The following ANAPC5 variants were observed in gnomAD, a reference collection of about 807,000 sequenced individuals.
The protein encoded by ANAPC5 is anaphase-promoting complex subunit 5.
ANAPC5 carries 60 observed loss-of-function variants against 91.3 expected under a neutral mutation model. That is an observed-to-expected ratio of 0.66 (90% CI 0.53 to 0.81). The LOEUF (loss-of-function observed/expected upper bound fraction) is 0.81, where lower values mean the gene tolerates loss of function less well. ANAPC5 is among the 40% of genes least tolerant of loss of function. The probability of loss-of-function intolerance (pLI) is 0.00; values close to 1 mark genes in which losing one functional copy is unlikely to be tolerated. For synonymous variants in ANAPC5, 340 were observed against 364.1 expected, an observed-to-expected ratio of 0.93 and a Z score of 0.75; for missense variants, 690 against 931.5, an observed-to-expected ratio of 0.74 and a Z score of 3.37.
At chr12:121,316,694 C>G (rs1195429779) in intron 15 of ANAPC5, among the ~76,000 whole-genome samples, 1 of 137,112 alleles carries the variant, frequency 7.3e-6, no homozygotes, top group African/African-American at 2.9e-5. Context: ...GATTGCACCA[C>G]TGCACTCCAG....
intron 4 of ANAPC5, among the ~76,000 whole-genome samples, chr12:121,343,403 C>T (rs1903534978): frequency 6.6e-6 from 1 of 152,104 alleles, no homozygotes; most frequent in Non-Finnish European, 1.5e-5. Context: ...TTCTGACAAC[C>T]CTCTGGGGAA....
In ANAPC5 at chr12:121,342,158, A is replaced by G. The variant is rs1903484890; in HGVS notation, c.591-89T>C. The G allele has an allele frequency of 1.0e-6, 1 of 974,026 alleles. No individual in the cohort carries two copies. Among genetic ancestry groups the G allele is most frequent in the Non-Finnish European group, 1.5e-6 (1 of 662,698 alleles). 60.3% of individuals were successfully genotyped at this position (974,026 alleles called of 1,614,324 possible). On this transcript the variant is annotated intron_variant, in intron 4 of 16. Transcript: ENST00000261819. The surrounding 1 kb of genome is among the most constrained non-coding windows in gnomAD (Gnocchi z 4.1). ...TAAAATCAGATGGATTCTTGTATCG[A>G]AAGAGTTCAAAAAATTTAACTCTCT... is the stretch of plus-strand genomic sequence containing the variant.
At chr12:121,341,797 A>G (rs1419020621) in intron 5 of ANAPC5, among the ~76,000 whole-genome samples, 3 of 152,186 alleles carry the variant, frequency 2.0e-5, no homozygotes, top group African/African-American at 7.2e-5. Context: ...ACTTTAATAG[A>G]AAAATAAAAT....
intron 6 of ANAPC5, among the ~76,000 whole-genome samples, chr12:121,336,903 C>A (rs561354299): frequency 6.6e-6 from 1 of 152,254 alleles, no homozygotes; most frequent in African/African-American, 2.4e-5. Flanking sequence ...GGCTGATTCT[C>A]ATTTGCACAG....
chr12:121,317,732 C>T (rs1857510021), intron 15 of ANAPC5, among the ~76,000 whole-genome samples: 1 of 152,230 alleles, frequency 6.6e-6, no homozygotes, highest in South Asian at 2.1e-4. Context: ...AGAACCTCCA[C>T]TTTAATTAAT....
chr12:121,325,774 C>T (rs1046883731), intron 11 of ANAPC5, among the ~76,000 whole-genome samples: 4 of 151,296 alleles, frequency 2.6e-5, no homozygotes, highest in Admixed American at 6.6e-5. Context: ...GGCTGAGAAA[C>T]AAGAATTGCT....
chr12:121,308,744 G>GT (rs1902041361), intron 16 of ANAPC5, 53 bp from the exon 17 acceptor site: 1 of 1,416,554 alleles, frequency 7.1e-7, no homozygotes, highest in African/African-American at 1.4e-5. Flanking sequence ...TTCACGTATA[G>GT]TTTTCAAAAC....
In ANAPC5 at chr12:121,319,813, C is replaced by G. The variant is rs1196583086; in HGVS notation, c.1521G>C (p.Trp507Cys). ...ACTGTATTTTTTGATCACATAGCAT[C>G]CATAACTAGTAAGAAAAAAAAACAC... ...FPPNSQHAQL[W>C]MLCDQKIQFD... The change falls in exon 13 of 17, where the codon TGG becomes TGC. Residue 507 changes from tryptophan to cysteine, a missense_variant. Trp to Cys is a radical substitution (Grantham distance 215). This residue lies in a region of ANAPC5 where 317 missense variants were observed against 438.7 expected (regional missense o/e 0.72). Transcript: ENST00000261819. 8.1e-6 allele frequency: 13 copies of G among 1,596,896 alleles called. No homozygotes were observed. In the Admixed American group the frequency reaches 2.3e-4, roughly 28 times the overall value.
intron 6 of ANAPC5, among the ~76,000 whole-genome samples, chr12:121,336,647 G>A (rs1342556961): frequency 2.0e-5 from 3 of 152,108 alleles, no homozygotes; most frequent in East Asian, 3.9e-4. Context: ...ACCACTGCAC[G>A]CCAGCCTGGG....
chr12:121,327,094 A>G lies in ANAPC5; in HGVS notation c.1440+2T>C. On this transcript the variant is annotated splice_donor_variant, in intron 11 of 16. Transcript: ENST00000261819. LOFTEE classifies it high-confidence loss of function. ...AGCACGTGGGCCCGGCCACCTGCCTACCTGCTCCGCGTGTAGCTCTGCGAG... is the reference window on the plus strand; with the variant it reads ...AGCACGTGGGCCCGGCCACCTGCCTGCCTGCTCCGCGTGTAGCTCTGCGAG... 6.3e-7 allele frequency: 1 copy of G among 1,593,786 alleles called. No homozygotes were observed. The highest frequency in any genetic ancestry group is 2.3e-5 in the East Asian group (1 of 44,392).
At position 121,327,245 on chromosome 12, in the gene ANAPC5, G is replaced by T; in HGVS notation, c.1305-14C>A. 1 of 1,610,812 alleles carries T rather than the reference G, an allele frequency of 6.2e-7. No individual in the cohort carries two copies. The highest frequency in any genetic ancestry group is 1.1e-5 in the South Asian group (1 of 90,904). ...AGTGCCATGGTGCTGGGTGGGGAGA[G>T]GGAACAGGATTTCCTTTCAGCAGCA... On this transcript the variant is annotated splice_polypyrimidine_tract_variant and intron_variant, in intron 10 of 16. Transcript: ENST00000261819.
intron 11 of ANAPC5, among the ~76,000 whole-genome samples, chr12:121,325,450 G>C (rs1322827271): frequency 2.0e-5 from 3 of 150,378 alleles, no homozygotes; most frequent in Non-Finnish European, 4.4e-5. Flanking sequence ...GTGACAGAGT[G>C]AGACTCCCTC....
intron 15 of ANAPC5, among the ~76,000 whole-genome samples, chr12:121,315,824 A>G (rs1168259036): frequency 6.6e-6 from 1 of 152,186 alleles, no homozygotes; most frequent in Non-Finnish European, 1.5e-5. Flanking sequence ...ACTTAAACAT[A>G]AGCATTAAAA....
At chr12:121,312,706 CAAA>C (rs34791908) in intron 15 of ANAPC5, among the ~76,000 whole-genome samples, 8 of 51,814 alleles carry the variant, frequency 1.5e-4, no homozygotes, top group Admixed American at 2.2e-4. Flanking sequence ...GACTCTGTCA[CAAA>C]AAAAAAAAAA....
intron 7 of ANAPC5, 72 bp from the exon 8 acceptor site, chr12:121,331,500 A>G: frequency 7.7e-7 from 1 of 1,294,612 alleles, no homozygotes; most frequent in Non-Finnish European, 1.1e-6. Flanking sequence ...GCAGGAAGTC[A>G]TCTGTACACA....
chr12:121,319,108 TACACAAACACAC>T (rs1164128355), intron 13 of ANAPC5, among the ~76,000 whole-genome samples: 6 of 115,968 alleles, frequency 5.2e-5, no homozygotes, highest in African/African-American at 1.4e-4. Flanking sequence ...ATGCTGTGTA[TACACAAACACAC>T]ACACACACAC....
chr12:121,330,727 A>G, intron 8 of ANAPC5, 55 bp from the exon 9 acceptor site: 1 of 1,400,334 alleles, frequency 7.1e-7, no homozygotes, highest in Non-Finnish European at 1.0e-6. Flanking sequence ...CTGATGTTCT[A>G]GTGAAATATC....
chr12:121,330,044 T>G (rs1555272730), intron 9 of ANAPC5, among the ~76,000 whole-genome samples: 1 of 152,242 alleles, frequency 6.6e-6, no homozygotes, highest in East Asian at 1.9e-4. Flanking sequence ...TGTTTATTGT[T>G]TAAAACAAGG....
intron 8 of ANAPC5, 183 bp downstream of exon 8, chr12:121,331,164 T>A (rs990451897): frequency 3.8e-6 from 2 of 531,016 alleles, no homozygotes; most frequent in African/African-American, 3.8e-5. Flanking sequence ...AAAACAGATG[T>A]CATGAATTAA....
Sources: gnomAD v4.1 joint callset for allele counts (sites outside exome capture counted in the v4.1 genomes callset) on GRCh38, gnomAD v4.1.1 for gene constraint, gnomAD v4.1.1 regional missense constraint, Gnocchi (gnomAD v3.1) non-coding constraint, MANE v1.5 for transcripts, NCBI Gene and HGNC (gene_info 2026-07-23, HGNC 2026-07-21) for gene names.